The following KCNC4 variants were observed in gnomAD, a reference collection of about 807,000 sequenced individuals.
KCNC4 encodes potassium voltage-gated channel subfamily C member 4.
KCNC4 carries 23 observed loss-of-function variants against 42.8 expected under a neutral mutation model. The ratio of observed to expected loss-of-function variants is 0.54; its 90% CI spans 0.39 to 0.76. KCNC4 has a LOEUF of 0.76. Among genes scored for constraint, KCNC4 ranks in the 30% least tolerant of loss-of-function variants. KCNC4 has a pLI of 0.00. For missense variants in KCNC4, 751 were observed against 898.2 expected (o/e 0.84, Z 2.10); for synonymous variants, 422 against 393.5 (o/e 1.07, Z -0.86).
chr1:110,270,865 G>T (rs916275185), intron 1 of KCNC4, among the ~76,000 whole-genome samples: 1 of 152,280 alleles, frequency 6.6e-6, no homozygotes, highest in African/African-American at 2.4e-5. Context: ...CTGGCTCTGC[G>T]GTGGCCTCAA....
chr1:110,260,791 A>G (rs201364093), intron 1 of KCNC4, among the ~76,000 whole-genome samples: 1 of 152,304 alleles, frequency 6.6e-6, no homozygotes, highest in East Asian at 1.9e-4. Context: ...TTAGCCGGGC[A>G]CGGAGACGTG....
chr1:110,275,427 C>T (rs1210843876), intron 1 of KCNC4, among the ~76,000 whole-genome samples: 2 of 152,140 alleles, frequency 1.3e-5, no homozygotes, highest in African/African-American at 4.8e-5. Flanking sequence ...CAAATTAGTA[C>T]AACCTCTATG....
chr1:110,246,606 C>T (rs1365490782), exon 4 of KCNC4: 3 of 152,264 alleles, frequency 2.0e-5, no homozygotes, highest in Non-Finnish European at 2.9e-5. Context: ...GCCCTCCCTC[C>T]CACACACTCG....
At chr1:110,278,223 G>A (rs1223946778) in intron 1 of KCNC4, among the ~76,000 whole-genome samples, 1 of 152,132 alleles carries the variant, frequency 6.6e-6, no homozygotes, top group East Asian at 1.9e-4. Flanking sequence ...AATTCTCCAG[G>A]GAGAGTCACC....
chr1:110,241,843 T>G (rs948377963), exon 4 of KCNC4: 2 of 152,246 alleles, frequency 1.3e-5, no homozygotes, highest in Non-Finnish European at 2.9e-5. Flanking sequence ...CTTACTGCAG[T>G]GATAACTTGT....
chr1:110,270,990 G>A (rs2101085650), intron 1 of KCNC4, among the ~76,000 whole-genome samples: 2 of 152,344 alleles, frequency 1.3e-5, no homozygotes, highest in African/African-American at 4.8e-5. Context: ...ATCTTTTCAG[G>A]AAGGCTTGGA....
chr1:110,234,122 G>C (rs1178661014), downstream of KCNC4: 1 of 152,272 alleles, frequency 6.6e-6, no homozygotes, highest in African/African-American at 2.4e-5. Flanking sequence ...CACCTGAGGA[G>C]TGCACACACT....
intron 2 of KCNC4, chr1:110,224,775 C>T (rs919425723): frequency 2.6e-5 from 4 of 152,270 alleles, no homozygotes; most frequent in African/African-American, 9.7e-5. Flanking sequence ...GGAAAGGCAT[C>T]CTGACTGTTA....
At chr1:110,239,094 A>T (rs1268482368) in exon 4 of KCNC4, 1 of 152,276 alleles carries the variant, frequency 6.6e-6, no homozygotes, top group Non-Finnish European at 1.5e-5. Context: ...GGATCAGATC[A>T]TGTCACCCCT....
At chr1:110,261,165 C>T (rs1463680581) in intron 1 of KCNC4, among the ~76,000 whole-genome samples, 1 of 151,994 alleles carries the variant, frequency 6.6e-6, no homozygotes, top group Non-Finnish European at 1.5e-5. Context: ...CGGTATTTAA[C>T]ATTTCATTAA....
chr1:110,272,752 T>C (rs566995482), intron 1 of KCNC4: 20 of 152,254 alleles, frequency 1.3e-4, no homozygotes, highest in African/African-American at 4.8e-4. Flanking sequence ...GAGGATACCT[T>C]GAGCCCTAAC....
intron 1 of KCNC4, among the ~76,000 whole-genome samples, chr1:110,257,447 G>A (rs892951795): frequency 1.3e-5 from 2 of 151,902 alleles, no homozygotes; most frequent in Non-Finnish European, 2.9e-5. Context: ...CGGGTGCGGT[G>A]GCTCACGCCT....
intron 1 of KCNC4, among the ~76,000 whole-genome samples, chr1:110,279,165 C>A (rs987140913): frequency 6.6e-6 from 1 of 152,164 alleles, no homozygotes; most frequent in African/African-American, 2.4e-5. Context: ...CTTTCCTGCA[C>A]CCATGGCAGA....
chr1:110,257,115 T>C (rs907134416), intron 1 of KCNC4, among the ~76,000 whole-genome samples: 6 of 152,246 alleles, frequency 3.9e-5, no homozygotes, highest in Non-Finnish European at 8.8e-5. Flanking sequence ...AATGATTCTC[T>C]TGATCCAAGT....
downstream of KCNC4, among the ~76,000 whole-genome samples, chr1:110,250,749 G>A (rs1193993877): frequency 6.6e-6 from 1 of 152,186 alleles, no homozygotes; most frequent in Non-Finnish European, 1.5e-5. Context: ...CAAGGGAAAA[G>A]AGGAAAGGAA....
chr1:110,222,039 T>A (rs1658127546), intron 1 of KCNC4: 1 of 152,236 alleles, frequency 6.6e-6, no homozygotes, highest in Admixed American at 6.5e-5. Context: ...GATCAGCCCC[T>A]GCCACTCTGA....
intron 1 of KCNC4, among the ~76,000 whole-genome samples, chr1:110,216,898 A>C (rs1461611921): frequency 6.6e-6 from 1 of 152,150 alleles, no homozygotes; most frequent in Non-Finnish European, 1.5e-5. Flanking sequence ...GGGCCCCAGC[A>C]CCTAGAGGTA....
intron 1 of KCNC4, among the ~76,000 whole-genome samples, chr1:110,218,915 AGAG>A (rs1657951061): frequency 6.6e-6 from 1 of 152,174 alleles, no homozygotes; most frequent in South Asian, 2.1e-4. Flanking sequence ...TCTCCTGCTT[AGAG>A]GATGGGAGCC....
At chr1:110,216,416 T>C (rs539183574) in intron 1 of KCNC4, among the ~76,000 whole-genome samples, 1 of 152,310 alleles carries the variant, frequency 6.6e-6, no homozygotes, top group South Asian at 2.1e-4. Context: ...GCTGCAGGAC[T>C]CCCTGCAGGC....
Sources: gnomAD v4.1 joint callset for allele counts (sites outside exome capture counted in the v4.1 genomes callset) on GRCh38, gnomAD v4.1.1 for gene constraint, MANE v1.5 for transcripts, NCBI Gene and HGNC (gene_info 2026-07-23, HGNC 2026-07-21) for gene names.